AMPH: variants seen among roughly 807,000 people sequenced by gnomAD.
AMPH encodes amphiphysin, also known as amphiphysin (Stiff-Mann syndrome with breast cancer 128kD autoantigen).
Under a neutral mutation model 99.1 loss-of-function variants are expected in AMPH, and 49 were observed. The ratio of observed to expected loss-of-function variants is 0.49; its 90% CI spans 0.39 to 0.63. The LOEUF (loss-of-function observed/expected upper bound fraction) is 0.63, where lower values mean the gene tolerates loss of function less well. Among genes scored for constraint, AMPH ranks in the 20% least tolerant of loss-of-function variants. The pLI is 0.00. For synonymous variants in AMPH, 314 were observed against 317.3 expected, an observed-to-expected ratio of 0.99 and a Z score of 0.11; for missense variants, 759 against 863.4, an observed-to-expected ratio of 0.88 and a Z score of 1.52.
At chr7:38,498,804 A>C (rs2129024491) in intron 3 of AMPH, among the ~76,000 whole-genome samples, 1 of 152,326 alleles carries the variant, frequency 6.6e-6, no homozygotes, top group African/African-American at 2.4e-5. Flanking sequence ...TTGATAGAAT[A>C]AAATCCCCAT....
intron 12 of AMPH, among the ~76,000 whole-genome samples, chr7:38,433,513 C>T (rs1786122096): frequency 6.6e-6 from 1 of 151,514 alleles, no homozygotes; most frequent in Admixed American, 6.6e-5. Context: ...ATCACGAGGT[C>T]AGGAGATCGA....
chr7:38,551,081 A>C (rs1791164537), intron 1 of AMPH, among the ~76,000 whole-genome samples: 1 of 152,174 alleles, frequency 6.6e-6, no homozygotes, highest in Non-Finnish European at 1.5e-5. Context: ...TTTCATGTGG[A>C]AACAACAACT....
In AMPH at chr7:38,582,344, G is replaced by A. The variant is rs563176761; in HGVS notation, c.70-47333C>T. Among the ~76,000 whole-genome samples the A allele has an allele frequency of 4.6e-5, 7 of 152,284 alleles. No individual in the cohort carries two copies. In the South Asian group the frequency reaches 1.5e-3, roughly 32 times the overall value. ...ACAGCAGTTTAAGTGCCATGGTCAT[G>A]TAGAAAGCCTGACTAGGGTGGGTTC... On this transcript the variant is annotated intron_variant, in intron 1 of 20. Transcript: ENST00000356264.
At chr7:38,425,389 A>G (rs765390496) in intron 15 of AMPH, among the ~76,000 whole-genome samples, 2 of 152,236 alleles carry the variant, frequency 1.3e-5, no homozygotes, top group Non-Finnish European at 2.9e-5. Flanking sequence ...GGAGATTTGT[A>G]TAACTATAGA....
chr7:38,629,309 C>T (rs1340813385), intron 1 of AMPH, among the ~76,000 whole-genome samples: 2 of 152,170 alleles, frequency 1.3e-5, no homozygotes, highest in Non-Finnish European at 2.9e-5. Context: ...AGAGCCTATA[C>T]TCTCAGCCTC....
At chr7:38,480,445 C>T (rs932455468) in intron 5 of AMPH, among the ~76,000 whole-genome samples, 1 of 152,130 alleles carries the variant, frequency 6.6e-6, no homozygotes, top group Non-Finnish European at 1.5e-5. Flanking sequence ...TCGGTTAGTG[C>T]TTCTTCCAAC....
rs1562721086 is a variant in AMPH, at chr7:38,391,001, GA to G, written c.1878+746del. ...AGAGAGAGAGAGAGAGAGAGAGAGAGAGAGAGAGAGAGAGAATGATACAACA... is the reference window on the plus strand; with the variant it reads ...AGAGAGAGAGAGAGAGAGAGAGAGAGGAGAGAGAGAGAGAATGATACAACA... On this transcript the variant is annotated intron_variant, in intron 19 of 20. Coordinates refer to ENST00000356264, the MANE Select transcript of AMPH (RefSeq NM_001635.4). 4.2e-3 allele frequency among the ~76,000 whole-genome samples: 232 copies of G among 55,396 alleles called. 3 individuals carry two copies. Among genetic ancestry groups the G allele is most frequent in the Admixed American group, 0.01 (46 of 4,410 alleles). The allele number at this position is 55,396 out of a possible 152,430, so 36.3% of individuals were successfully genotyped here. A position where few individuals can be genotyped will look rare whatever the true frequency, so the allele number is the denominator to read the frequency against.
chr7:38,410,101 C>T (rs1341608606), intron 17 of AMPH, among the ~76,000 whole-genome samples: 1 of 152,172 alleles, frequency 6.6e-6, no homozygotes, highest in African/African-American at 2.4e-5. Context: ...ATTTATGGTA[C>T]AATAAGCATT....
chr7:38,450,685 G>C (rs956576956), intron 11 of AMPH, among the ~76,000 whole-genome samples: 1 of 152,036 alleles, frequency 6.6e-6, no homozygotes, highest in Non-Finnish European at 1.5e-5. Context: ...TGTTCTTTTT[G>C]GTCAGCTTGG....
At position 38,587,949 on chromosome 7, in the gene AMPH, T is replaced by TGTGTGTGTGTGCGC. The variant is rs931620644; in HGVS notation, c.69+43333_69+43334insGCGCACACACACAC. On this transcript the variant is annotated intron_variant, in intron 1 of 20. Coordinates refer to ENST00000356264, the MANE Select transcript of AMPH (RefSeq NM_001635.4). ...GTGTGTGTGTGTGTGTGTGTGTGTG[T>TGTGTGTGTGTGCGC]GCGCGTGTGTGTGTGAGAGAGAGAT... Among the ~76,000 whole-genome samples the TGTGTGTGTGTGCGC allele has an allele frequency of 1.8e-3, 256 of 146,188 alleles. 1 individual carries two copies. The highest frequency in any genetic ancestry group is 6.2e-3 in the African/African-American group (243 of 39,288).
chr7:38,392,111 T>C (rs878857057), intron 18 of AMPH, 94 bp from the exon 19 acceptor site: 3 of 1,308,798 alleles, frequency 2.3e-6, no homozygotes, highest in Middle Eastern at 5.4e-4. Context: ...AGCCCAAAGC[T>C]GGGGCTGCCA....
intron 1 of AMPH, among the ~76,000 whole-genome samples, chr7:38,578,689 A>T (rs1792334850): frequency 6.6e-6 from 1 of 152,154 alleles, no homozygotes; most frequent in Admixed American, 6.5e-5. Context: ...GGATCACTTA[A>T]GCCCAGGAGT....
At chr7:38,542,425 T>C (rs958032480) in intron 1 of AMPH, among the ~76,000 whole-genome samples, 7 of 152,208 alleles carry the variant, frequency 4.6e-5, no homozygotes, top group Non-Finnish European at 8.8e-5. Context: ...TTAGTCCTCA[T>C]GTTCCTTAGC....
chr7:38,446,704 G>A (rs1007931614), intron 11 of AMPH, among the ~76,000 whole-genome samples: 6 of 151,988 alleles, frequency 3.9e-5, no homozygotes, highest in South Asian at 4.1e-4. Context: ...TCTTGATTCT[G>A]GTAATGGTTT....
At chr7:38,452,977 T>C (rs1371949353) in intron 11 of AMPH, among the ~76,000 whole-genome samples, 1 of 152,194 alleles carries the variant, frequency 6.6e-6, no homozygotes, top group Non-Finnish European at 1.5e-5. Flanking sequence ...TGTCACTCAA[T>C]AAACCAGAAA....
intron 1 of AMPH, among the ~76,000 whole-genome samples, chr7:38,548,977 T>C (rs1449764367): frequency 6.6e-6 from 1 of 152,238 alleles, no homozygotes; most frequent in Non-Finnish European, 1.5e-5. Flanking sequence ...GGTTCTCAGG[T>C]AGCCCTTTTC....
intron 8 of AMPH, 87 bp downstream of exon 8, chr7:38,466,086 G>A: frequency 9.5e-7 from 1 of 1,055,946 alleles, no homozygotes; most frequent in Non-Finnish European, 1.4e-6. Context: ...TGAATTCTTT[G>A]GATAATTCTA....
intron 2 of AMPH, among the ~76,000 whole-genome samples, chr7:38,517,920 C>A (rs1257605422): frequency 2.0e-5 from 3 of 152,200 alleles, no homozygotes; most frequent in African/African-American, 7.2e-5. Context: ...TGAAAATTTT[C>A]TAGGCTGCCC....
intron 2 of AMPH, among the ~76,000 whole-genome samples, chr7:38,523,913 C>T (rs1790065775): frequency 7.1e-6 from 1 of 141,650 alleles, no homozygotes; most frequent in Non-Finnish European, 1.5e-5. Context: ...ATTAATATTA[C>T]TTATTAAATA....
Sources: gnomAD v4.1 joint callset for allele counts (sites outside exome capture counted in the v4.1 genomes callset) on GRCh38, gnomAD v4.1.1 for gene constraint, MANE v1.5 for transcripts, NCBI Gene and HGNC (gene_info 2026-07-23, HGNC 2026-07-21) for gene names.